DCC: variants seen among roughly 807,000 people sequenced by gnomAD.
The protein encoded by DCC is DCC netrin 1 receptor.
A neutral mutation model predicts 172.5 loss-of-function variants in DCC; 58 were observed. The ratio of observed to expected loss-of-function variants is 0.34; its 90% confidence interval spans 0.27 to 0.42. The LOEUF (loss-of-function observed/expected upper bound fraction) is 0.42. Among genes scored for constraint, DCC ranks in the 10% least tolerant of loss-of-function variants. The pLI is 1.00. For missense variants in DCC, 1,740 were observed against 1,791.0 expected (o/e 0.97, Z 0.51); for synonymous variants, 709 against 644.5 (o/e 1.10, Z -1.52).
At chr18:53,246,922 T>A (rs2056371725) in intron 12 of DCC, among the ~76,000 whole-genome samples, 1 of 152,048 alleles carries the variant, frequency 6.6e-6, no homozygotes, top group South Asian at 2.1e-4. Context: ...GAAAAGAAGA[T>A]GAACTTTAGT....
chr18:53,448,651 GTGTT>G lies in DCC; in HGVS notation c.3230-1848_3230-1845del, dbSNP rs1280401375. Among the ~76,000 whole-genome samples, 1,372 of 152,192 alleles carry G rather than the reference GTGTT, an allele frequency of 9.0e-3. 22 individuals carry two copies. The highest frequency in any genetic ancestry group is 0.027 in the Admixed American group (416 of 15,292). On this transcript the variant is annotated intron_variant, in intron 22 of 28. Coordinates refer to ENST00000442544, the MANE Select transcript of DCC (RefSeq NM_005215.4). Reference sequence around the variant, plus strand: ...AGGCTGGCAGATCACCTGAAGTAAGGTGTTCAAGACCAGCCTGGTCAACATGGCA... The same window carrying G: ...AGGCTGGCAGATCACCTGAAGTAAGGCAAGACCAGCCTGGTCAACATGGCA...
At chr18:52,963,831 T>G (rs1162906218) in intron 5 of DCC, among the ~76,000 whole-genome samples, 1 of 151,670 alleles carries the variant, frequency 6.6e-6, no homozygotes, top group East Asian at 1.9e-4. Context: ...ATCTCTAGTT[T>G]TTTTTTTTTT....
chr18:53,137,243 C>A (rs2043757576), intron 7 of DCC, among the ~76,000 whole-genome samples: 1 of 152,210 alleles, frequency 6.6e-6, no homozygotes, highest in South Asian at 2.1e-4. Flanking sequence ...CAGGTATTGG[C>A]CAAGGTTGAG....
At chr18:53,389,959 T>C (rs1908432799) in intron 16 of DCC, among the ~76,000 whole-genome samples, 1 of 152,326 alleles carries the variant, frequency 6.6e-6, no homozygotes, top group African/African-American at 2.4e-5. Context: ...GAGGAGTTTG[T>C]AAATTAGAAA....
intron 26 of DCC, among the ~76,000 whole-genome samples, chr18:53,488,381 A>G (rs1372470140): frequency 6.6e-6 from 1 of 152,156 alleles, no homozygotes; most frequent in Non-Finnish European, 1.5e-5. Context: ...TTTATTTCAA[A>G]TTAAAAAAAA....
At chr18:53,340,119 G>T (rs2057640749) in intron 15 of DCC, among the ~76,000 whole-genome samples, 1 of 151,340 alleles carries the variant, frequency 6.6e-6, no homozygotes, top group Non-Finnish European at 1.5e-5. Flanking sequence ...TTTGAATTTG[G>T]GATTTCAGGA....
At chr18:53,440,162 A>G (rs1458505077) in intron 22 of DCC, among the ~76,000 whole-genome samples, 1 of 152,224 alleles carries the variant, frequency 6.6e-6, no homozygotes, top group Non-Finnish European at 1.5e-5. Context: ...TGTAGTTTAT[A>G]TTTGTATAAA....
At chr18:52,599,576 G>T (rs190389821) in intron 1 of DCC, among the ~76,000 whole-genome samples, 3 of 151,620 alleles carry the variant, frequency 2.0e-5, no homozygotes, top group East Asian at 1.9e-4. Flanking sequence ...GTGCAATGGC[G>T]CAATCTCTGC....
intron 5 of DCC, among the ~76,000 whole-genome samples, chr18:52,974,224 C>A (rs1233081111): frequency 6.6e-6 from 1 of 152,070 alleles, no homozygotes; most frequent in Admixed American, 6.6e-5. Context: ...GTCTACATAT[C>A]CTAAGAAAGC....
intron 1 of DCC, among the ~76,000 whole-genome samples, chr18:52,744,470 T>C (rs2036876760): frequency 6.6e-6 from 1 of 152,250 alleles, no homozygotes; most frequent in Non-Finnish European, 1.5e-5. Context: ...AATTCATTTC[T>C]GATTTGCATT....
At chr18:52,927,064 T>C (rs1394306619) in intron 5 of DCC, among the ~76,000 whole-genome samples, 1 of 100,670 alleles carries the variant, frequency 9.9e-6, no homozygotes, top group East Asian at 2.6e-4. Context: ...TACACATATA[T>C]ACACACATAT....
At chr18:53,337,539 C>T (rs1475367414) in intron 14 of DCC, among the ~76,000 whole-genome samples, 2 of 152,114 alleles carry the variant, frequency 1.3e-5, no homozygotes, top group Non-Finnish European at 2.9e-5. Flanking sequence ...CTTATATCCA[C>T]GTTTTGAGAC....
chr18:52,793,425 A>G (rs141701451), intron 2 of DCC, among the ~76,000 whole-genome samples: 107 of 152,366 alleles, frequency 7.0e-4, no homozygotes, highest in African/African-American at 2.5e-3. Context: ...GAAAAGCCTT[A>G]CTGAAGACTC....
At chr18:53,233,107 G>GTT (rs1391138873) in intron 12 of DCC, among the ~76,000 whole-genome samples, 1 of 151,930 alleles carries the variant, frequency 6.6e-6, no homozygotes, top group Non-Finnish European at 1.5e-5. Flanking sequence ...TACCTTGCCT[G>GTT]TTCTTAAGGT....
At chr18:53,390,988 T>C (rs1908511264) in intron 16 of DCC, among the ~76,000 whole-genome samples, 1 of 152,222 alleles carries the variant, frequency 6.6e-6, no homozygotes, top group Non-Finnish European at 1.5e-5. Flanking sequence ...AGGTGCTGTC[T>C]GAAACTTAAT....
At chr18:53,416,324 G>C (rs760593489) in intron 21 of DCC, 168 bp downstream of exon 21, 8 of 707,940 alleles carry the variant, frequency 1.1e-5, no homozygotes, top group Non-Finnish European at 1.8e-5. Flanking sequence ...CTGAGGCTGC[G>C]GCTCTGATAA....
At chr18:52,706,902 A>C (rs17829198) in intron 1 of DCC, among the ~76,000 whole-genome samples, 6,925 of 152,284 alleles carry the variant, frequency 0.045, 226 homozygotes, top group South Asian at 0.14. Context: ...AAGGGAGATG[A>C]TCAGAGAGGG....
chr18:52,516,118 A>C (rs1213641608), intron 1 of DCC, among the ~76,000 whole-genome samples: 1 of 152,154 alleles, frequency 6.6e-6, no homozygotes, highest in Non-Finnish European at 1.5e-5. Flanking sequence ...GGTAAGGAGA[A>C]ACTGGATCAC....
chr18:53,234,772 T>C (rs1480883322), intron 12 of DCC, among the ~76,000 whole-genome samples: 1 of 152,326 alleles, frequency 6.6e-6, no homozygotes, highest in East Asian at 1.9e-4. Flanking sequence ...GGAACACACA[T>C]GTGGATTCTC....
Sources: allele counts gnomAD v4.1 joint callset (sites outside exome capture counted in the v4.1 genomes callset), GRCh38; gene constraint gnomAD v4.1.1; transcripts MANE v1.5; gene names NCBI Gene and HGNC (gene_info 2026-07-23, HGNC 2026-07-21).